MACF1: variants seen among roughly 807,000 people sequenced by gnomAD.
MACF1 encodes microtubule actin crosslinking factor 1, also known as microtubule-actin cross-linking factor 1.
A neutral mutation model predicts 854.8 loss-of-function variants in MACF1; 193 were observed. The observed-to-expected ratio is 0.23, with a 90% confidence interval of 0.20 to 0.25. MACF1 has a LOEUF of 0.25. Ranked by LOEUF, MACF1 falls within the 10% of genes least tolerant of loss-of-function variation. The pLI, the probability that MACF1 is intolerant of heterozygous loss-of-function variation, is 1.00. For missense variants in MACF1, 7,722 were observed against 8,929.1 expected, an observed-to-expected ratio of 0.86 and a Z score of 5.45; for synonymous variants, 3,185 against 3,226.7, an observed-to-expected ratio of 0.99 and a Z score of 0.44.
chr1:39,368,732 C>T (rs1202146085), intron 50 of MACF1, among the ~76,000 whole-genome samples: 1 of 152,132 alleles, frequency 6.6e-6, no homozygotes, highest in African/African-American at 2.4e-5. Context: ...GAACTCCTGA[C>T]CTCAGGTGAT....
At position 39,337,280 on chromosome 1, in the gene MACF1, A is replaced by G; in HGVS notation, c.10164A>G (p.Gln3388=). ...RNIEMRTKQI[Q]PLELNLAELQ... ...TTGAAATGAGGACCAAACAGATTCAACCTTTGGAGCTAAACCTGGCAGAAC... is the reference window on the plus strand; with the variant it reads ...TTGAAATGAGGACCAAACAGATTCAGCCTTTGGAGCTAAACCTGGCAGAAC... Residue 3388 remains glutamine, a synonymous_variant, in exon 38 of 101, where the codon CAA becomes CAG. Transcript: ENST00000564288. 1.9e-6 allele frequency: 3 copies of G among 1,614,114 alleles called. No individual in the cohort carries two copies. The highest frequency in any genetic ancestry group is 2.5e-6 in the Non-Finnish European group (3 of 1,179,994).
At chr1:39,352,708 G>A (rs1019377967) in intron 43 of MACF1, among the ~76,000 whole-genome samples, 3 of 151,572 alleles carry the variant, frequency 2.0e-5, no homozygotes, top group Non-Finnish European at 2.9e-5. Flanking sequence ...TAGTAGAGAT[G>A]GGGTTTCACC....
At chr1:39,323,855 T>C (rs1259790798) in intron 33 of MACF1, among the ~76,000 whole-genome samples, 1 of 152,218 alleles carries the variant, frequency 6.6e-6, no homozygotes, top group Non-Finnish European at 1.5e-5. Flanking sequence ...TTCTTACAGA[T>C]TCACCTGTAA....
At chr1:39,343,328 T>A (rs1238038083) in intron 40 of MACF1, among the ~76,000 whole-genome samples, 4 of 152,208 alleles carry the variant, frequency 2.6e-5, no homozygotes, top group Non-Finnish European at 5.9e-5. Flanking sequence ...GAAGCAGACA[T>A]AAAAGTTTGT....
chr1:39,331,058 T>G, intron 36 of MACF1, 145 bp from the exon 37 acceptor site: 1 of 1,217,132 alleles, frequency 8.2e-7, no homozygotes, highest in Non-Finnish European at 1.1e-6. Flanking sequence ...CTTGGGCAGA[T>G]TATAGGCGTG....
chr1:39,285,414 A>G (rs746476078), intron 13 of MACF1, 24 bp downstream of exon 13: 1 of 1,610,838 alleles, frequency 6.2e-7, no homozygotes, highest in African/African-American at 1.3e-5. Flanking sequence ...TGTTTTGTCC[A>G]ACATCTGTGT....
intron 43 of MACF1, among the ~76,000 whole-genome samples, chr1:39,352,707 TG>T (rs1007998415): frequency 6.6e-6 from 1 of 151,514 alleles, no homozygotes; most frequent in African/African-American, 2.4e-5. Context: ...TTAGTAGAGA[TG>T]GGGTTTCACC....
intron 2 of MACF1, among the ~76,000 whole-genome samples, chr1:39,086,908 A>C (rs895684351): frequency 2.0e-5 from 3 of 152,216 alleles, no homozygotes; most frequent in Non-Finnish European, 4.4e-5. Context: ...AGTGAGGCTG[A>C]AAATGGGGAG....
intron 2 of MACF1, among the ~76,000 whole-genome samples, chr1:39,094,909 A>C (rs1278324076): frequency 6.6e-6 from 1 of 151,940 alleles, no homozygotes; most frequent in Non-Finnish European, 1.5e-5. Context: ...CAAAACAAAA[A>C]CCACAAAACA....
intron 2 of MACF1, among the ~76,000 whole-genome samples, chr1:39,112,343 C>T (rs1642433233): frequency 6.6e-6 from 1 of 152,128 alleles, no homozygotes; most frequent in Non-Finnish European, 1.5e-5. Flanking sequence ...CTCGACCTCT[C>T]AAAGTGCTGG....
chr1:39,458,562 A>G (rs939432202), intron 90 of MACF1, 72 bp downstream of exon 90: 64 of 1,493,220 alleles, frequency 4.3e-5, no homozygotes, highest in African/African-American at 1.4e-4. Flanking sequence ...CCAAATGCCT[A>G]TCAAAAAAAA....
intron 2 of MACF1, among the ~76,000 whole-genome samples, chr1:39,111,366 T>TTTTATTTA (rs34525332): frequency 1.8e-3 from 271 of 148,248 alleles, no homozygotes; most frequent in Middle Eastern, 6.8e-3. Context: ...CAGCTAATTA[T>TTTTATTTA]TTTATTTATT....
intron 2 of MACF1, among the ~76,000 whole-genome samples, chr1:39,117,923 G>C (rs1336536561): frequency 6.6e-6 from 1 of 152,222 alleles, no homozygotes; most frequent in African/African-American, 2.4e-5. Context: ...ACAGAGACCA[G>C]ATCATCTTCA....
chr1:39,256,592 A>G (rs1318172087), intron 5 of MACF1, among the ~76,000 whole-genome samples: 1 of 152,110 alleles, frequency 6.6e-6, no homozygotes, highest in African/African-American at 2.4e-5. Flanking sequence ...TGAGGAGGCT[A>G]ACAGAGGTGA....
At chr1:39,413,701 C>G in intron 58 of MACF1, 1 of 1,604,892 alleles carries the variant, frequency 6.2e-7, no homozygotes, top group South Asian at 1.1e-5. Context: ...GCCTGCCTTC[C>G]CAGCTCCTGC....
At position 39,385,881 on chromosome 1, in the gene MACF1, C is replaced by T. The variant is rs1470253587; in HGVS notation, c.14296C>T (p.Arg4766Cys). ...EQYLKDELKK[R>C]LETVALPLQG... ...GTACCTCAAGGATGAACTGAAGAAG[C>T]GTTTGGAGACAGTTGCCCTGCCTCT... The change falls in exon 57 of 101, where the codon CGT (arginine) becomes TGT (cysteine). Residue 4766 changes from arginine (R) to cysteine (C), a missense_variant. Physicochemically the swap from Arg to Cys is radical, Grantham distance 180. Around this residue, in one of 15 missense-constraint regions of MACF1, gnomAD observed 2,807 missense variants for 3,235.8 expected, o/e 0.87. Coordinates refer to ENST00000564288, the MANE Select transcript of MACF1 (RefSeq NM_001394062.1). 8.1e-6 allele frequency: 13 copies of T among 1,613,726 alleles called. No individual in the cohort carries two copies. The highest frequency in any genetic ancestry group is 2.2e-5 in the South Asian group (2 of 91,072).
At chr1:39,320,946 C>T (rs1646503673) in intron 31 of MACF1, among the ~76,000 whole-genome samples, 2 of 151,982 alleles carry the variant, frequency 1.3e-5, no homozygotes, top group South Asian at 4.2e-4. Context: ...TCAACCTGGG[C>T]AACAGAGAAA....
chr1:39,297,517 T>C, intron 20 of MACF1, 103 bp from the exon 21 acceptor site: 1 of 1,371,360 alleles, frequency 7.3e-7, no homozygotes, highest in African/African-American at 1.4e-5. Flanking sequence ...TAGGGTGTAA[T>C]CAGCTTTGCT....
intron 1 of MACF1, among the ~76,000 whole-genome samples, chr1:39,208,799 A>G (rs1385988795): frequency 2.0e-5 from 3 of 151,754 alleles, no homozygotes; most frequent in Non-Finnish European, 4.4e-5. Flanking sequence ...TAATTTTTGT[A>G]TTTTTAGTAG....
Sources: gnomAD v4.1 joint callset for allele counts (sites outside exome capture counted in the v4.1 genomes callset) on GRCh38, gnomAD v4.1.1 for gene constraint, gnomAD v4.1.1 regional missense constraint, MANE v1.5 for transcripts, NCBI Gene and HGNC (gene_info 2026-07-23, HGNC 2026-07-21) for gene names.